GNPTG: variants seen among roughly 807,000 people sequenced by gnomAD.
GNPTG encodes the protein N-acetylglucosamine-1-phosphate transferase subunit gamma.
In GNPTG, 46 loss-of-function variants were observed where a neutral mutation model predicts 43.8. That is an observed-to-expected ratio of 1.05 (90% CI 0.83 to 1.34). GNPTG has a LOEUF of 1.34. GNPTG is among the 40% of genes most tolerant of loss of function. The probability of loss-of-function intolerance (pLI) is 0.00; values close to 1 mark genes in which losing one functional copy is unlikely to be tolerated. For synonymous variants in GNPTG, 250 were observed against 172.8 expected, an observed-to-expected ratio of 1.45 and a Z score of -3.50; for missense variants, 549 against 411.3, an observed-to-expected ratio of 1.33 and a Z score of -2.90.
At position 1,362,005 on chromosome 16, in the gene GNPTG, C is replaced by T. The variant is rs201978812; in HGVS notation, c.318-33C>T. On this transcript the variant is annotated intron_variant, in intron 5 of 10. Coordinates refer to ENST00000204679, the MANE Select transcript of GNPTG (RefSeq NM_032520.5). ...CCAAAGCAGCAGCGCAGCTCCCCAC[C>T]CGGCCTCACGTGCCGTGCCCGTGTC... is the stretch of plus-strand genomic sequence containing the variant. 31 of 1,612,962 alleles carry T rather than the reference C, an allele frequency of 1.9e-5. No homozygotes were observed. The East Asian group carries it at 6.7e-4, about 35-fold the overall frequency.
intron 3 of GNPTG, among the ~76,000 whole-genome samples, chr16:1,352,802 C>T (rs967200495): frequency 6.6e-6 from 1 of 151,852 alleles, no homozygotes; most frequent in African/African-American, 2.4e-5. Flanking sequence ...TTTTTTTGGC[C>T]ATTAGAAATA....
At chr16:1,360,172 C>T (rs1302378816) in intron 3 of GNPTG, among the ~76,000 whole-genome samples, 5 of 151,928 alleles carry the variant, frequency 3.3e-5, no homozygotes, top group South Asian at 4.2e-4. Flanking sequence ...ACTGTTTGTG[C>T]GTGGATAATT....
At chr16:1,359,372 A>C (rs1359496395) in intron 3 of GNPTG, among the ~76,000 whole-genome samples, 1 of 150,804 alleles carries the variant, frequency 6.6e-6, no homozygotes, top group Non-Finnish European at 1.5e-5. Flanking sequence ...AGGCTCAAGG[A>C]ATTCTCCTGC....
chr16:1,352,311 G>C lies in GNPTG; in HGVS notation c.178+5G>C. On this transcript the variant is annotated splice_donor_5th_base_variant and intron_variant, in intron 3 of 10. Transcript: ENST00000204679. ...GGGATCCTTCACCCGTGTCTGGTGA[G>C]TGAGGAGCGCTGTTGGCCGGCGCGG... 4 of 1,548,282 alleles carry C rather than the reference G, an allele frequency of 2.6e-6. No individual in the cohort carries two copies. The highest frequency in any genetic ancestry group is 2.6e-6 in the Non-Finnish European group (3 of 1,146,770).
intron 3 of GNPTG, chr16:1,359,110 C>T (rs2034827312): frequency 6.6e-6 from 1 of 152,224 alleles, no homozygotes. Flanking sequence ...CCTGCCTCGG[C>T]CTCCCGAAGT....
chr16:1,359,393 C>G (rs1170210244), intron 3 of GNPTG, among the ~76,000 whole-genome samples: 3 of 152,114 alleles, frequency 2.0e-5, no homozygotes, highest in African/African-American at 7.2e-5. Flanking sequence ...CTCAGCCTCC[C>G]GAGTAGCTGG....
rs1401033986 is a variant in GNPTG at position 1,351,996 on chromosome 16, C to T, written c.31C>T (p.Leu11Phe). The change falls in exon 1 of 11, where the codon CTC (leucine) becomes TTC (phenylalanine). Residue 11 changes from leucine (L) to phenylalanine (F), a missense_variant. Coordinates refer to ENST00000204679, the MANE Select transcript of GNPTG (RefSeq NM_032520.5). MAAGLARLLLLLGLSAGGPAP... is the reference protein window; with the variant it reads MAAGLARLLLFLGLSAGGPAP... ...GGCGGGGCTGGCGCGGCTCCTGTTG[C>T]TCCTCGGGCTCTCGGCCGGCGGTGA... The T allele has an allele frequency of 1.0e-5, 15 of 1,443,310 alleles. No individual in the cohort carries two copies. The East Asian group carries it at 3.0e-4, about 29-fold the overall frequency. 89.4% of individuals were successfully genotyped at this position (1,443,310 alleles called of 1,614,324 possible). A position where few individuals can be genotyped will look rare whatever the true frequency, so the allele number is the denominator to read the frequency against.
In GNPTG at chr16:1,363,852, CCTCCAT is replaced by C. The variant is rs1188937031; in HGVS notation, c.*766_*771del. 22 of 152,516 alleles carry C rather than the reference CCTCCAT, an allele frequency of 1.4e-4. No homozygotes were observed. 9.4% of individuals were successfully genotyped at this position (152,516 alleles called of 1,614,324 possible). A position where few individuals can be genotyped will look rare whatever the true frequency, so the allele number is the denominator to read the frequency against. ...TACTGATCTAGGGGAGCAGGTGCCA[CCTCCAT>C]CTCCCAGCTGTCCCCCCACCCCTGG... is the stretch of plus-strand genomic sequence containing the variant. On this transcript the variant is annotated 3_prime_UTR_variant, in exon 11 of 11. Coordinates refer to ENST00000204679, the MANE Select transcript of GNPTG (RefSeq NM_032520.5).
Position 1,352,153 on chromosome 16 carries a change from C to A in GNPTG, c.104C>A (p.Ala35Glu). Residue 35 changes from alanine to glutamate, a missense_variant, in exon 2 of 11, where the codon GCG becomes GAG. Ala to Glu is a moderately radical substitution (Grantham distance 107). Transcript: ENST00000204679. ...ATGAAGGTGGTGGAGGAGCCCAACG[C>A]GTTTGGGTGAGCAGCCTCGCGGGCT... ...AKMKVVEEPNAFGVNNPFLPQ... is the reference protein window; with the variant it reads ...AKMKVVEEPNEFGVNNPFLPQ... 1 of 1,579,470 alleles carries A rather than the reference C, an allele frequency of 6.3e-7. No individual in the cohort carries two copies. The highest frequency in any genetic ancestry group is 1.8e-5 in the Admixed American group (1 of 54,634).
rs372062796 is a variant in GNPTG, at chr16:1,363,051, A to C, written c.878A>C (p.Glu293Ala). The part of the protein sequence containing the change: ...GHETPRAKSP[E>A]QLRGDPGLRG... The stretch of plus-strand genomic sequence containing the variant: ...GAGACGCCCAGAGCCAAGTCTCCAG[A>C]GCAGCTGCGGGGTGACCCAGGACTG... Residue 293 changes from glutamate (E) to alanine (A), a missense_variant, in exon 11 of 11, where the codon GAG becomes GCG. By Grantham distance (107) the Glu-to-Ala change is moderately radical (BLOSUM62 -1). Transcript: ENST00000204679. 6.4e-5 allele frequency: 103 copies of C among 1,613,862 alleles called. No individual in the cohort carries two copies. Among genetic ancestry groups the C allele is most frequent in the Non-Finnish European group, 8.2e-5 (97 of 1,180,010 alleles).
At chr16:1,355,123 C>T (rs925959042) in intron 3 of GNPTG, among the ~76,000 whole-genome samples, 1 of 151,006 alleles carries the variant, frequency 6.6e-6, no homozygotes, top group Non-Finnish European at 1.5e-5. Context: ...GGATGGTCTC[C>T]CGCCTCTGCG....
chr16:1,361,471 C>G lies in GNPTG; in HGVS notation c.179-272C>G, dbSNP rs1298094221. ...CATCCTGGCTAACGCGGTGAAACCC[C>G]GTCTCTACTAAAAATACAAAAAATT... On this transcript the variant is annotated intron_variant, in intron 3 of 10. Coordinates refer to ENST00000204679, the MANE Select transcript of GNPTG (RefSeq NM_032520.5). 1.2e-5 allele frequency: 5 copies of G among 411,034 alleles called. No homozygotes were observed. The Admixed American group carries it at 1.8e-4, about 15-fold the overall frequency. The allele number at this position is 411,034 out of a possible 1,614,324, so 25.5% of individuals were successfully genotyped here.
rs2034884640 is a variant in GNPTG at position 1,361,752 on chromosome 16, A to G, written c.188A>G (p.His63Arg). Residue 63 changes from histidine (H) to arginine (R), a missense_variant, in exon 4 of 11, where the codon CAT becomes CGT. Coordinates refer to ENST00000204679, the MANE Select transcript of GNPTG (RefSeq NM_032520.5). ...RDPSPVSGPV[H>R]LFRLSGKCFS... ...GTGAGGTCTCTTCCAGGACCCGTGC[A>G]TCTCTTCCGACTCTCGGGCAAGTGC... 1 of 1,613,926 alleles carries G rather than the reference A, an allele frequency of 6.2e-7. No homozygotes were observed. Among genetic ancestry groups the G allele is most frequent in the Non-Finnish European group, 8.5e-7 (1 of 1,180,030 alleles).
At chr16:1,354,610 C>CAAAAAAAA (rs2034742326) in intron 3 of GNPTG, among the ~76,000 whole-genome samples, 8 of 83,842 alleles carry the variant, frequency 9.5e-5, no homozygotes, top group African/African-American at 3.5e-4. Context: ...AAAAAAAAAA[C>CAAAAAAAA]CCATAAAAAT....
At chr16:1,357,228 A>G (rs1278719827) in intron 3 of GNPTG, among the ~76,000 whole-genome samples, 1 of 152,164 alleles carries the variant, frequency 6.6e-6, no homozygotes, top group African/African-American at 2.4e-5. Flanking sequence ...CTATATCCAC[A>G]GCCCCTGTCC....
At chr16:1,362,396 G>A (rs1238628809) in intron 7 of GNPTG, 56 bp from the exon 8 acceptor site, 2 of 1,610,012 alleles carry the variant, frequency 1.2e-6, no homozygotes, top group Admixed American at 3.3e-5. Context: ...TGTAGTGCTG[G>A]GGGCCAGGGT....
chr16:1,353,983 T>C (rs1431253832), intron 3 of GNPTG, among the ~76,000 whole-genome samples: 1 of 152,194 alleles, frequency 6.6e-6, no homozygotes, highest in Non-Finnish European at 1.5e-5. Flanking sequence ...GGGGATCAGA[T>C]GGTGCCGCAC....
In GNPTG at chr16:1,362,497, T is replaced by TA; in HGVS notation, c.573dup (p.Glu192ArgfsTer7). ...GCCCTGCAGCGGCAGTGGGACCAGG[T>TA]AGAGCAGGACCTGGCCGATGAGCTG... is the stretch of plus-strand genomic sequence containing the variant. On this transcript the variant is annotated frameshift_variant, in exon 8 of 11. Coordinates refer to ENST00000204679, the MANE Select transcript of GNPTG (RefSeq NM_032520.5). LOFTEE classifies it high-confidence loss of function. 2 of 1,614,030 alleles carry TA rather than the reference T, an allele frequency of 1.2e-6. No individual in the cohort carries two copies. Among genetic ancestry groups the TA allele is most frequent in the Non-Finnish European group, 1.7e-6 (2 of 1,180,002 alleles).
chr16:1,354,600 A>AAAAAAAAAAAAAC (rs2034741335), intron 3 of GNPTG, among the ~76,000 whole-genome samples: 3 of 150,520 alleles, frequency 2.0e-5, no homozygotes, highest in Admixed American at 1.3e-4. Context: ...AAAAAAAAAA[A>AAAAAAAAAAAAAC]AAAAAAAAAC....
Sources: allele counts gnomAD v4.1 joint callset (sites outside exome capture counted in the v4.1 genomes callset), GRCh38; gene constraint gnomAD v4.1.1; transcripts MANE v1.5; gene names NCBI Gene and HGNC (gene_info 2026-07-23, HGNC 2026-07-21).